Variants in CCND3 observed in about 807,000 individuals in gnomAD.
CCND3 encodes the protein G1/S-specific cyclin-D3.
CCND3 carries 9 observed loss-of-function variants against 28.7 expected under a neutral mutation model. The observed-to-expected ratio is 0.31, with a 90% CI of 0.19 to 0.55. The LOEUF is 0.55. Among genes scored for constraint, CCND3 ranks in the 20% least tolerant of loss-of-function variants. The probability of loss-of-function intolerance (pLI) is 0.93; values close to 1 mark genes in which losing one functional copy is unlikely to be tolerated. For missense variants in CCND3, 315 were observed against 385.8 expected (o/e 0.82, Z 1.54); for synonymous variants, 164 against 163.9 (o/e 1.00, Z 0.00).
chr6:42,018,018 A>T, intron 1 of CCND3, among the ~76,000 whole-genome samples: 1 of 151,528 alleles, frequency 6.6e-6, no homozygotes, highest in Non-Finnish European at 1.5e-5. Context: ...GCATGGTGGC[A>T]CATGCCTGTA....
At chr6:42,046,948 T>C (rs1288098175) in intron 1 of CCND3, among the ~76,000 whole-genome samples, 2 of 152,266 alleles carry the variant, frequency 1.3e-5, no homozygotes, top group Non-Finnish European at 1.5e-5. Context: ...CATTTGTTTC[T>C]TGTGTCTGAA....
intron 1 of CCND3, among the ~76,000 whole-genome samples, chr6:42,015,641 C>T (rs4711697): frequency 0.77 from 117,348 of 151,468 alleles, 46,297 homozygotes; most frequent in Non-Finnish European, 0.85. Flanking sequence ...ACCCGGGAGG[C>T]GGAGCTTGCA....
rs34556754 is a variant in CCND3, at chr6:41,954,250, T to TAAAAAAAAAAAAAAA, written c.-45-13680_-45-13666dup. On this transcript the variant is annotated intron_variant, in intron 1 of 4. Transcript: ENST00000372988. ...TGGGGTACAGAGCAAGATTCTGCCT[T>TAAAAAAAAAAAAAAA]AAAAAAAAAAAAAAAAAAAAAAAAA... Among the ~76,000 whole-genome samples the TAAAAAAAAAAAAAAA allele has an allele frequency of 6.1e-3, 213 of 35,138 alleles. 11 individuals carry two copies. The highest frequency in any genetic ancestry group is 0.033 in the Middle Eastern group (1 of 30). 23.1% of individuals were successfully genotyped at this position (35,138 alleles called of 152,430 possible).
intron 1 of CCND3, among the ~76,000 whole-genome samples, chr6:42,035,660 C>G (rs1033642523): frequency 1.3e-4 from 19 of 149,404 alleles, no homozygotes; most frequent in African/African-American, 3.9e-4. Context: ...AGCCACCGTG[C>G]CCAGCTAGTT....
rs1762287463 is a variant in CCND3 at position 41,979,733 on chromosome 6, A to C, written c.-45-39148T>G. Among the ~76,000 whole-genome samples, 4 of 151,404 alleles carry C rather than the reference A, an allele frequency of 2.6e-5. No homozygotes were observed. In the South Asian group the frequency reaches 8.4e-4, roughly 32 times the overall value. ...AGGAAATGTTTGAAAAAAATTCTTT[A>C]GCAAATCCTTAACAGTGATCACTCC... On this transcript the variant is annotated intron_variant, in intron 1 of 4. Coordinates refer to the CCND3 transcript ENST00000372988.
intron 2 of CCND3, among the ~76,000 whole-genome samples, chr6:41,940,096 G>C (rs908298879): frequency 1.3e-5 from 2 of 152,168 alleles, no homozygotes; most frequent in Non-Finnish European, 2.9e-5. Context: ...TTGACTTGTT[G>C]CTATCTGGGG....
intron 1 of CCND3, among the ~76,000 whole-genome samples, chr6:41,986,127 G>T (rs1043378854): frequency 6.6e-6 from 1 of 151,918 alleles, no homozygotes; most frequent in African/African-American, 2.4e-5. Flanking sequence ...ATTCTGTTCC[G>T]TTGGTCTATA....
intron 1 of CCND3, among the ~76,000 whole-genome samples, chr6:41,970,242 G>C (rs1382146971): frequency 6.6e-6 from 1 of 152,140 alleles, no homozygotes; most frequent in African/African-American, 2.4e-5. Context: ...GGGAGGCTGA[G>C]GCAGGAGAAT....
At chr6:42,034,494 T>TG (rs1764143823) in intron 1 of CCND3, among the ~76,000 whole-genome samples, 1 of 137,796 alleles carries the variant, frequency 7.3e-6, no homozygotes. Context: ...TTTTTTTTTT[T>TG]TTGAGATGGA....
chr6:41,987,475 TTTTCTC>T (rs1263713559), intron 1 of CCND3, among the ~76,000 whole-genome samples: 4,311 of 107,540 alleles, frequency 0.04, 105 homozygotes, highest in Middle Eastern at 0.067. Flanking sequence ...TGGACCAGGC[TTTTCTC>T]TCTCTCTCTC....
chr6:42,022,826 T>C (rs529692270), intron 1 of CCND3, among the ~76,000 whole-genome samples: 1 of 152,286 alleles, frequency 6.6e-6, no homozygotes, highest in South Asian at 2.1e-4. Flanking sequence ...GGCAGCAACA[T>C]TTATACCACC....
intron 1 of CCND3, among the ~76,000 whole-genome samples, chr6:41,960,727 T>C (rs999203579): frequency 9.9e-5 from 15 of 152,214 alleles, no homozygotes; most frequent in African/African-American, 3.1e-4. Flanking sequence ...GACAGAGGGA[T>C]GGATGGTGTA....
intron 1 of CCND3, among the ~76,000 whole-genome samples, chr6:41,976,100 C>T (rs1054508930): frequency 3.9e-5 from 6 of 152,086 alleles, no homozygotes; most frequent in Middle Eastern, 3.4e-3. Flanking sequence ...ACCTGTAATC[C>T]CAGCACTTTG....
intron 1 of CCND3, among the ~76,000 whole-genome samples, chr6:41,962,158 T>TG (rs1334652663): frequency 6.6e-6 from 1 of 151,962 alleles, no homozygotes; most frequent in Non-Finnish European, 1.5e-5. Flanking sequence ...TGGAGTGTAG[T>TG]GGCACGATAT....
At chr6:41,955,931 G>A (rs370510817) in intron 1 of CCND3, among the ~76,000 whole-genome samples, 1 of 152,080 alleles carries the variant, frequency 6.6e-6, no homozygotes, top group African/African-American at 2.4e-5. Flanking sequence ...GAGCGAAACC[G>A]TATCTCAGAA....
intron 1 of CCND3, among the ~76,000 whole-genome samples, chr6:41,983,913 T>A (rs750831216): frequency 2.0e-5 from 3 of 152,132 alleles, no homozygotes; most frequent in Non-Finnish European, 4.4e-5. Context: ...ATTTATCCTA[T>A]CAAACTGAAA....
intron 1 of CCND3, among the ~76,000 whole-genome samples, chr6:42,031,640 T>C (rs1764046422): frequency 6.6e-6 from 1 of 152,178 alleles, no homozygotes; most frequent in Admixed American, 6.6e-5. Context: ...CCCTTTTAGT[T>C]CTGCTCCCCC....
intron 1 of CCND3, among the ~76,000 whole-genome samples, chr6:41,991,673 A>G (rs1762653365): frequency 6.6e-6 from 1 of 152,206 alleles, no homozygotes; most frequent in African/African-American, 2.4e-5. Flanking sequence ...CAACAGTGGC[A>G]TAGAACACTG....
chr6:42,017,045 C>T (rs1763541071), intron 1 of CCND3, among the ~76,000 whole-genome samples: 1 of 152,208 alleles, frequency 6.6e-6, no homozygotes, highest in African/African-American at 2.4e-5. Context: ...CTTGATACAG[C>T]AGCATCTCAC....
Sources: gnomAD v4.1 joint callset for allele counts (sites outside exome capture counted in the v4.1 genomes callset) on GRCh38, gnomAD v4.1.1 for gene constraint, MANE v1.5 for transcripts, NCBI Gene and HGNC (gene_info 2026-07-23, HGNC 2026-07-21) for gene names.